Variants in BICD2 observed in about 807,000 individuals in gnomAD.
BICD2 encodes BICD cargo adaptor 2.
Under a neutral mutation model 72.9 loss-of-function variants are expected in BICD2, and 25 were observed. That is an observed-to-expected ratio of 0.34 (90% CI 0.25 to 0.48). BICD2 has a LOEUF of 0.48. Ranked by LOEUF, BICD2 falls within the 20% of genes least tolerant of loss-of-function variation. The probability of loss-of-function intolerance (pLI) is 0.99; values close to 1 mark genes in which losing one functional copy is unlikely to be tolerated. For missense variants in BICD2, 894 were observed against 1,175.2 expected, an observed-to-expected ratio of 0.76 and a Z score of 3.50; for synonymous variants, 501 against 516.1, an observed-to-expected ratio of 0.97 and a Z score of 0.40.
chr9:92,756,284 C>T (rs1193435176), intron 1 of BICD2, among the ~76,000 whole-genome samples: 6 of 150,200 alleles, frequency 4.0e-5, no homozygotes, highest in African/African-American at 9.8e-5. Context: ...TTGTCTGAGA[C>T]GGAGTCTCGC....
At chr9:92,736,530 T>C (rs773385315) in intron 1 of BICD2, among the ~76,000 whole-genome samples, 1 of 152,240 alleles carries the variant, frequency 6.6e-6, no homozygotes, top group Admixed American at 6.5e-5. Flanking sequence ...TTGTTTAGCA[T>C]ATAATCAAGA....
chr9:92,717,914 T>C lies in BICD2; in HGVS notation c.2141A>G (p.Lys714Arg), dbSNP rs1293283031. ...AEVALANLKSKYENEKAMVTE... is the reference protein window; with the variant it reads ...AEVALANLKSRYENEKAMVTE... Reference sequence around the variant, plus strand: ...AACCATGGCCTTCTCATTCTCATACTTGCTCTTCAGGTTGGCAAGGGCCAC... The same window carrying C: ...AACCATGGCCTTCTCATTCTCATACCTGCTCTTCAGGTTGGCAAGGGCCAC... Residue 714 changes from lysine to arginine, a missense_variant, in exon 6 of 7, where the codon AAG becomes AGG. Lys to Arg is a conservative substitution (Grantham distance 26). Around this residue, in one of 5 missense-constraint regions of BICD2, gnomAD observed 321 missense variants for 443.9 expected, o/e 0.72. Transcript: ENST00000356884. The C allele has an allele frequency of 6.2e-7, 1 of 1,613,632 alleles. No individual in the cohort carries two copies. The highest frequency in any genetic ancestry group is 2.2e-5 in the East Asian group (1 of 44,876).
chr9:92,734,706 C>G (rs976956854), intron 1 of BICD2, among the ~76,000 whole-genome samples: 4 of 152,122 alleles, frequency 2.6e-5, no homozygotes, highest in African/African-American at 9.7e-5. Flanking sequence ...ATTAAGGGGT[C>G]GCCAGCCGTG....
intron 2 of BICD2, among the ~76,000 whole-genome samples, chr9:92,727,563 TGG>T (rs1265230135): frequency 6.6e-6 from 1 of 152,054 alleles, no homozygotes; most frequent in African/African-American, 2.4e-5. Context: ...AATGAGAACC[TGG>T]GGCTGACCCT....
Position 92,719,441 on chromosome 9 carries a change from C to A in BICD2, c.1204G>T (p.Ala402Ser). 1 of 1,614,150 alleles carries A rather than the reference C, an allele frequency of 6.2e-7. No individual in the cohort carries two copies. Among genetic ancestry groups the A allele is most frequent in the Non-Finnish European group, 8.5e-7 (1 of 1,180,036 alleles). The change falls in exon 5 of 7, where the codon GCC becomes TCC. Residue 402 changes from alanine (A) to serine (S), a missense_variant. Ala to Ser is a moderately conservative substitution (Grantham distance 99). Around this residue, in one of 5 missense-constraint regions of BICD2, gnomAD observed 371 missense variants for 439.1 expected, o/e 0.84. Transcript: ENST00000356884. ...ENLSALRRLQ[A>S]SKERQTALDN... ...AGGGCTGTCTGCCGCTCCTTGCTGG[C>A]CTGCAGGCGCCGCAGGGCACTCAGA...
At chr9:92,739,596 G>C (rs540566303) in intron 1 of BICD2, among the ~76,000 whole-genome samples, 1 of 152,316 alleles carries the variant, frequency 6.6e-6, no homozygotes, top group East Asian at 1.9e-4. Flanking sequence ...CCCCGACCAC[G>C]ATTTTACTCC....
intron 1 of BICD2, among the ~76,000 whole-genome samples, chr9:92,738,178 G>T (rs533649602): frequency 1.3e-5 from 2 of 152,354 alleles, no homozygotes; most frequent in Admixed American, 1.3e-4. Context: ...TGTCAATGGG[G>T]CTACGGGGCC....
In BICD2 at chr9:92,720,172, G is replaced by A. The variant is rs1363085790; in HGVS notation, c.1062+128C>T. ...CTGGAGTTCCATTTACCGTAATGATGCAGGAGATAAAATCAACGTAAGGAA... is the reference window on the plus strand; with the variant it reads ...CTGGAGTTCCATTTACCGTAATGATACAGGAGATAAAATCAACGTAAGGAA... On this transcript the variant is annotated intron_variant, in intron 4 of 6. Coordinates refer to ENST00000356884, the MANE Select transcript of BICD2 (RefSeq NM_001003800.2). The surrounding 1 kb of genome is among the most constrained non-coding windows in gnomAD (Gnocchi z 5.4). 1.0e-5 allele frequency: 10 copies of A among 977,694 alleles called. No homozygotes were observed. Among genetic ancestry groups the A allele is most frequent in the Non-Finnish European group, 1.5e-5 (10 of 680,902 alleles). 60.6% of individuals were successfully genotyped at this position (977,694 alleles called of 1,614,324 possible).
At position 92,719,090 on chromosome 9, in the gene BICD2, T is replaced by C; in HGVS notation, c.1555A>G (p.Ser519Gly). The C allele has an allele frequency of 6.2e-7, 1 of 1,613,106 alleles. No individual in the cohort carries two copies. ...VSDVAGETQG[S>G]LSVAQDELVT... The stretch of plus-strand genomic sequence containing the variant: ...AGCTCATCCTGGGCCACACTCAGGC[T>C]GCCCTGTGTCTCGCCGGCGACGTCG... Residue 519 changes from serine (S) to glycine (G), a missense_variant, in exon 5 of 7, where the codon AGC becomes GGC. Ser to Gly is a moderately conservative substitution (Grantham distance 56). This residue lies in a region of BICD2 where 371 missense variants were observed against 439.1 expected (regional missense o/e 0.84). Transcript: ENST00000356884.
rs114935594 is a variant in BICD2 at position 92,764,045 on chromosome 9, T to C, written c.240+460A>G. ...GCCCAGAGAGGGGAAGTGCTTTCTCTGAAGGTGACAGAGCCGCAGCCACCC... is the reference window on the plus strand; with the variant it reads ...GCCCAGAGAGGGGAAGTGCTTTCTCCGAAGGTGACAGAGCCGCAGCCACCC... On this transcript the variant is annotated intron_variant, in intron 1 of 6. Coordinates refer to ENST00000356884, the MANE Select transcript of BICD2 (RefSeq NM_001003800.2). This position sits in a 1 kb window ranked among gnomAD's most constrained non-coding sequence, Gnocchi z 5.5. Among the ~76,000 whole-genome samples, 1,199 of 152,256 alleles carry C rather than the reference T, an allele frequency of 7.9e-3. 20 individuals are homozygous for C. Among genetic ancestry groups the C allele is most frequent in the African/African-American group, 0.027 (1,120 of 41,554 alleles).
chr9:92,718,553 T>C lies in BICD2; in HGVS notation c.2092A>G (p.Lys698Glu), dbSNP rs1332376533. 1 of 1,610,848 alleles carries C rather than the reference T, an allele frequency of 6.2e-7. No individual in the cohort carries two copies. The change falls in exon 5 of 7, where the codon AAG (lysine) becomes GAG (glutamate). Residue 698 changes from lysine to glutamate, a missense_variant. Lys to Glu is a moderately conservative substitution (Grantham distance 56). Around this residue, in one of 5 missense-constraint regions of BICD2, gnomAD observed 321 missense variants for 443.9 expected, o/e 0.72. Transcript: ENST00000356884. ...TGGCACCTCACCTGCTTGTTGGCCT[T>C]GAGCACAGTGCGCAGCGTGGTGATC... ...EQITTLRTVL[K>E]ANKQTAEVAL... is the part of the protein sequence containing the mutation.
Position 92,764,717 on chromosome 9 carries a change from A to T in BICD2, c.28T>A (p.Tyr10Asn). ...TGCGCCTCCATCACCAGCCGCGCGT[A>T]CTCCTCCTCCTCCGACGGCGCCGAC... MSAPSEEEE[Y>N]ARLVMEAQPE... The change falls in exon 1 of 7, where the codon TAC becomes AAC. Residue 10 changes from tyrosine to asparagine, a missense_variant. Coordinates refer to ENST00000356884, the MANE Select transcript of BICD2 (RefSeq NM_001003800.2). This position sits in a 1 kb window ranked among gnomAD's most constrained non-coding sequence, Gnocchi z 5.5. 6.3e-7 allele frequency: 1 copy of T among 1,580,078 alleles called. No individual in the cohort carries two copies. The highest frequency in any genetic ancestry group is 8.5e-7 in the Non-Finnish European group (1 of 1,170,996).
rs371451237 is a variant in BICD2, at chr9:92,722,645, C to G, written c.606+11G>C. On this transcript the variant is annotated intron_variant, in intron 3 of 6. Transcript: ENST00000356884. ...CACGTGCCACCTCCACCCCACAGGC[C>G]CAAGACTCACCTGGTTCTGTCTGAG... 1 of 1,614,110 alleles carries G rather than the reference C, an allele frequency of 6.2e-7. No individual in the cohort carries two copies. The highest frequency in any genetic ancestry group is 8.5e-7 in the Non-Finnish European group (1 of 1,180,000).
intron 1 of BICD2, among the ~76,000 whole-genome samples, chr9:92,740,992 T>G (rs1853887070): frequency 6.6e-6 from 1 of 152,192 alleles, no homozygotes; most frequent in African/African-American, 2.4e-5. Flanking sequence ...CGGCCTAAAG[T>G]GTCCCTGTCC....
At chr9:92,717,512 G>A (rs1853342379) in intron 6 of BICD2, among the ~76,000 whole-genome samples, 1 of 152,232 alleles carries the variant, frequency 6.6e-6, no homozygotes, top group African/African-American at 2.4e-5. Context: ...GCGTGACCTC[G>A]GAGGAAGCTG....
At chr9:92,731,065 G>C (rs1853670181) in intron 1 of BICD2, among the ~76,000 whole-genome samples, 1 of 152,194 alleles carries the variant, frequency 6.6e-6, no homozygotes, top group African/African-American at 2.4e-5. Flanking sequence ...CCCAGCTGCA[G>C]GCTCCCCACC....
intron 1 of BICD2, among the ~76,000 whole-genome samples, chr9:92,740,928 G>A (rs998349719): frequency 1.3e-5 from 2 of 152,206 alleles, no homozygotes; most frequent in Non-Finnish European, 2.9e-5. Flanking sequence ...GGGAGTGCAT[G>A]CCCAGGAGGG....
intron 1 of BICD2, among the ~76,000 whole-genome samples, chr9:92,739,847 C>G (rs1259188918): frequency 6.6e-6 from 1 of 152,184 alleles, no homozygotes; most frequent in Non-Finnish European, 1.5e-5. Context: ...CTGGAGGCCT[C>G]AGACACCTTG....
intron 2 of BICD2, among the ~76,000 whole-genome samples, chr9:92,726,820 C>A (rs1051025066): frequency 6.6e-6 from 1 of 152,190 alleles, no homozygotes; most frequent in African/African-American, 2.4e-5. Context: ...CTCTTCCCCA[C>A]AAGACCTGCA....
Sources: gnomAD v4.1 joint callset for allele counts (sites outside exome capture counted in the v4.1 genomes callset) on GRCh38, gnomAD v4.1.1 for gene constraint, gnomAD v4.1.1 regional missense constraint, Gnocchi (gnomAD v3.1) non-coding constraint, MANE v1.5 for transcripts, NCBI Gene and HGNC (gene_info 2026-07-23, HGNC 2026-07-21) for gene names.